The following AQP8 variants were observed in gnomAD, a reference collection of about 807,000 sequenced individuals.
AQP8 encodes aquaporin-8.
In AQP8, 14 loss-of-function variants were observed where a neutral mutation model predicts 26.1. The ratio of observed to expected loss-of-function variants is 0.54; its 90% CI spans 0.35 to 0.84. The LOEUF is 0.84. Among genes scored for constraint, AQP8 ranks in the 40% least tolerant of loss-of-function variants. AQP8 has a pLI of 0.01. For synonymous variants in AQP8, 131 were observed against 150.7 expected (o/e 0.87, Z 0.96); for missense variants, 301 against 340.5 (o/e 0.88, Z 0.91).
At position 25,222,314 on chromosome 16, in the gene AQP8, G is replaced by A. The variant is rs370540222; in HGVS notation, c.387+731G>A. Among the ~76,000 whole-genome samples the A allele has an allele frequency of 4.6e-5, 7 of 152,164 alleles. 1 individual carries two copies. Among genetic ancestry groups the A allele is most frequent in the East Asian group, 1.9e-4 (1 of 5,174 alleles). ...CCCTCCACTATTGTCCTATGACCCT[G>A]CCAAATCCCCCTCTGTGAGAAACAC... On this transcript the variant is annotated intron_variant, in intron 3 of 5. Coordinates refer to ENST00000219660, the MANE Select transcript of AQP8 (RefSeq NM_001169.3).
At position 25,228,469 on chromosome 16, in the gene AQP8, C is replaced by T. The variant is rs893041946; in HGVS notation, c.763C>T (p.Arg255Cys). ...GTGCTTCATTGGAGATGGGAAGACCCGCCTCATCCTGAAGGCTCGGTGAAG... is the reference window on the plus strand; with the variant it reads ...GTGCTTCATTGGAGATGGGAAGACCTGCCTCATCCTGAAGGCTCGGTGAAG... ...IRCFIGDGKT[R>C]LILKAR Residue 255 changes from arginine to cysteine, a missense_variant, in exon 6 of 6, where the codon CGC becomes TGC. Coordinates refer to ENST00000219660, the MANE Select transcript of AQP8 (RefSeq NM_001169.3). The T allele has an allele frequency of 5.0e-6, 8 of 1,613,872 alleles. No individual in the cohort carries two copies. In the Middle Eastern group the frequency reaches 4.9e-4, roughly 99 times the overall value.
At chr16:25,227,372 C>T (rs1962649858) in intron 5 of AQP8, among the ~76,000 whole-genome samples, 170 bp downstream of exon 5, 1 of 152,188 alleles carries the variant, frequency 6.6e-6, no homozygotes, top group Non-Finnish European at 1.5e-5. Flanking sequence ...TTGCAAGTGA[C>T]AGAGATCTAT....
At chr16:25,225,729 C>T (rs567371845) in intron 4 of AQP8, among the ~76,000 whole-genome samples, 57 of 152,106 alleles carry the variant, frequency 3.7e-4, no homozygotes, top group Non-Finnish European at 6.8e-4. Context: ...TTTTTGACTT[C>T]GAAGCTGGAC....
chr16:25,224,605 A>C (rs761449015), intron 4 of AQP8, 29 bp downstream of exon 4: 1 of 1,594,732 alleles, frequency 6.3e-7, no homozygotes, highest in Admixed American at 1.7e-5. Flanking sequence ...TGGGGTGACC[A>C]TGCCCAGATC....
intron 3 of AQP8, among the ~76,000 whole-genome samples, chr16:25,223,209 C>G (rs562269531): frequency 6.6e-6 from 1 of 152,232 alleles, no homozygotes; most frequent in Non-Finnish European, 1.5e-5. Context: ...AGCACAGCCC[C>G]GACTGGATCC....
At position 25,228,673 on chromosome 16, in the gene AQP8, G is replaced by C. The variant is rs528067732; in HGVS notation, c.*181G>C. The C allele has an allele frequency of 1.8e-4, 111 of 614,270 alleles. No individual in the cohort carries two copies. In the South Asian group the frequency reaches 2.1e-3, roughly 12 times the overall value. The allele number at this position is 614,270 out of a possible 1,614,324, so 38.1% of individuals were successfully genotyped here. A position where few individuals can be genotyped will look rare whatever the true frequency, so the allele number is the denominator to read the frequency against. ...CTGCTGAGGAGGCTCTAGGTTCTTG[G>C]AATTCCTTTGTGCTCATCAGAGACC... On this transcript the variant is annotated 3_prime_UTR_variant, in exon 6 of 6. Transcript: ENST00000219660.
rs763176599 is a variant in AQP8, at chr16:25,217,313, T to G, written c.128T>G (p.Leu43Arg). 6.2e-7 allele frequency: 1 copy of G among 1,614,210 alleles called. No homozygotes were observed. The highest frequency in any genetic ancestry group is 1.1e-5 in the South Asian group (1 of 91,088). The change falls in exon 2 of 6, where the codon CTG becomes CGG. Residue 43 changes from leucine to arginine, a missense_variant. Leu to Arg is a moderately radical substitution (Grantham distance 102). Transcript: ENST00000219660. Reference protein sequence around the residue: ...RFVQPCLVELLGSALFIFIGC... With the variant: ...RFVQPCLVELRGSALFIFIGC... ...GTGCAGCCATGTCTGGTCGAACTGC[T>G]GGGCTCTGCTCTCTTCATCTTCATC...
rs1962504077 is a variant in AQP8 at position 25,217,463 on chromosome 16, G to A, written c.260+18G>A. The A allele has an allele frequency of 6.2e-7, 1 of 1,611,352 alleles. No individual in the cohort carries two copies. Among genetic ancestry groups the A allele is most frequent in the African/African-American group, 1.3e-5 (1 of 74,886 alleles). On this transcript the variant is annotated intron_variant, in intron 2 of 5. Transcript: ENST00000219660. ...AATATCAGGTGAGACCAGCTCTGAG[G>A]ATTCAGCCTGATGCTGACTTGGGGC...
At chr16:25,225,528 T>C (rs1962619365) in intron 4 of AQP8, among the ~76,000 whole-genome samples, 1 of 151,052 alleles carries the variant, frequency 6.6e-6, no homozygotes, top group Non-Finnish European at 1.5e-5. Context: ...TGCCTCAGCC[T>C]CACGAGTATC....
intron 5 of AQP8, among the ~76,000 whole-genome samples, 174 bp downstream of exon 5, chr16:25,227,376 G>C (rs1242610212): frequency 6.6e-6 from 1 of 152,208 alleles, no homozygotes; most frequent in East Asian, 1.9e-4. Context: ...AAGTGACAGA[G>C]ATCTATTTCA....
At chr16:25,224,219 T>C in intron 3 of AQP8, 143 bp from the exon 4 acceptor site, 1 of 709,362 alleles carries the variant, frequency 1.4e-6, no homozygotes, top group Middle Eastern at 4.1e-4. Flanking sequence ...AGCTGGGATG[T>C]GGATGCAGGT....
rs1962646485 is a variant in AQP8 at position 25,227,126 on chromosome 16, G to A, written c.661G>A (p.Ala221Thr). Reference sequence around the variant, plus strand: ...CCGTGCTTTTGGACCTGCGGTGGTGGCCAACCACTGGAACTTCCACTGGAT... The same window carrying A: ...CCGTGCTTTTGGACCTGCGGTGGTGACCAACCACTGGAACTTCCACTGGAT... Reference protein sequence around the residue: ...PARAFGPAVVANHWNFHWIYW... With the variant: ...PARAFGPAVVTNHWNFHWIYW... The change falls in exon 5 of 6, where the codon GCC becomes ACC. Residue 221 changes from alanine to threonine, a missense_variant. Ala to Thr is a moderately conservative substitution (Grantham distance 58). Coordinates refer to ENST00000219660, the MANE Select transcript of AQP8 (RefSeq NM_001169.3). 1 of 1,614,122 alleles carries A rather than the reference G, an allele frequency of 6.2e-7. No homozygotes were observed. Among genetic ancestry groups the A allele is most frequent in the East Asian group, 2.2e-5 (1 of 44,866 alleles).
At chr16:25,221,308 T>G in intron 2 of AQP8, 149 bp from the exon 3 acceptor site, 1 of 914,662 alleles carries the variant, frequency 1.1e-6, no homozygotes, top group Non-Finnish European at 1.7e-6. Context: ...ATGGAAGCAA[T>G]TTGGTGCCTC....
intron 2 of AQP8, among the ~76,000 whole-genome samples, chr16:25,219,769 G>T (rs1412384502): frequency 2.0e-5 from 3 of 151,360 alleles, no homozygotes; most frequent in Non-Finnish European, 4.4e-5. Context: ...AGGCGCAGTG[G>T]CTCACGCCTG....
intron 2 of AQP8, among the ~76,000 whole-genome samples, chr16:25,221,157 G>A (rs571468478): frequency 6.6e-6 from 1 of 151,980 alleles, no homozygotes; most frequent in Admixed American, 6.5e-5. Context: ...TGAAGGGCTG[G>A]AGGGAGGCTT....
In AQP8 at chr16:25,221,508, C is replaced by T; in HGVS notation, c.312C>T (p.Gly104=). 6.2e-7 allele frequency: 1 copy of T among 1,614,082 alleles called. No homozygotes were observed. The highest frequency in any genetic ancestry group is 8.5e-7 in the Non-Finnish European group (1 of 1,180,000). ...CCCTGGCAGCCATGCTGATCGGAGG[C>T]CTCAACCTGGTGATGCTCCTCCCGT... The part of the protein sequence containing the change: ...AVSLAAMLIG[G]LNLVMLLPYW... The change falls in exon 3 of 6, where the codon GGC becomes GGT. Residue 104 remains glycine, a synonymous_variant. Transcript: ENST00000219660.
At chr16:25,218,933 G>A (rs546231776) in intron 2 of AQP8, among the ~76,000 whole-genome samples, 10 of 151,370 alleles carry the variant, frequency 6.6e-5, no homozygotes, top group African/African-American at 1.9e-4. Context: ...CTCTTTAGAC[G>A]TCCAAGGGAG....
At position 25,228,789 on chromosome 16, in the gene AQP8, T is replaced by C. The variant is rs58276343; in HGVS notation, c.*297T>C. 3.8e-4 allele frequency: 112 copies of C among 292,646 alleles called. No homozygotes were observed. Among genetic ancestry groups the C allele is most frequent in the African/African-American group, 2.2e-3 (103 of 46,612 alleles). 18.1% of individuals were successfully genotyped at this position (292,646 alleles called of 1,614,324 possible). ...TTTCTTGAGAGGAATGTCCCCGAGT[T>C]GGACAAGGAGGCTGTTTCTGCACAT... On this transcript the variant is annotated 3_prime_UTR_variant, in exon 6 of 6. Coordinates refer to ENST00000219660, the MANE Select transcript of AQP8 (RefSeq NM_001169.3).
intron 3 of AQP8, among the ~76,000 whole-genome samples, chr16:25,222,861 C>CT (rs1962582406): frequency 6.6e-6 from 1 of 152,186 alleles, no homozygotes; most frequent in Non-Finnish European, 1.5e-5. Context: ...CGCCCGGGAC[C>CT]TTCCTTCTCG....
Sources: allele counts gnomAD v4.1 joint callset (sites outside exome capture counted in the v4.1 genomes callset), GRCh38; gene constraint gnomAD v4.1.1; transcripts MANE v1.5; gene names NCBI Gene and HGNC (gene_info 2026-07-23, HGNC 2026-07-21).